Variants in ZFYVE26 observed in about 807,000 individuals in gnomAD.
ZFYVE26 encodes the protein zinc finger FYVE domain-containing protein 26.
In ZFYVE26, 181 loss-of-function variants were observed where a neutral mutation model predicts 276.5. The ratio of observed to expected loss-of-function variants is 0.65; its 90% CI spans 0.58 to 0.74. ZFYVE26 has a LOEUF of 0.74. Ranked by LOEUF, ZFYVE26 falls within the 30% of genes least tolerant of loss-of-function variation. The pLI is 0.00. For missense variants in ZFYVE26, 2,821 were observed against 3,097.9 expected (o/e 0.91, Z 2.12); for synonymous variants, 1,129 against 1,203.1 (o/e 0.94, Z 1.27).
intron 14 of ZFYVE26, among the ~76,000 whole-genome samples, chr14:67,792,206 C>T (rs1195975389): frequency 2.0e-5 from 3 of 152,030 alleles, no homozygotes; most frequent in African/African-American, 7.2e-5. Context: ...CTAGAGTTCC[C>T]TAGATTTATT....
chr14:67,778,805 G>T (rs1161912356), intron 23 of ZFYVE26, among the ~76,000 whole-genome samples: 1 of 151,128 alleles, frequency 6.6e-6, no homozygotes, highest in Admixed American at 6.6e-5. Flanking sequence ...CCCACATGGT[G>T]GTGTCTGGAA....
chr14:67,740,004 C>T (rs1467607306), intron 13 of ZFYVE26, among the ~76,000 whole-genome samples: 1 of 152,128 alleles, frequency 6.6e-6, no homozygotes, highest in Admixed American at 6.5e-5. Flanking sequence ...TGGTTCTGCT[C>T]CCCATGGCCA....
intron 13 of ZFYVE26, 56 bp from the exon 14 acceptor site, chr14:67,793,815 C>G: frequency 1.2e-6 from 2 of 1,609,624 alleles, no homozygotes; most frequent in Non-Finnish European, 1.7e-6. Flanking sequence ...TAAGGAAATG[C>G]TATATTGCTG....
chr14:67,807,346 T>G, intron 5 of ZFYVE26, 52 bp downstream of exon 5: 1 of 1,610,114 alleles, frequency 6.2e-7, no homozygotes. Flanking sequence ...CCAGCAAGGC[T>G]GGGCATACTG....
chr14:67,796,282 T>C (rs1304280997), intron 12 of ZFYVE26: 1 of 150,492 alleles, frequency 6.6e-6, no homozygotes, highest in African/African-American at 2.4e-5. Context: ...AGTGGCACAA[T>C]CTCAGCTCAC....
rs1555397625 is a variant in ZFYVE26 at position 67,786,170 on chromosome 14, TGAA to T, written c.3080_3082del (p.Leu1027del). The T allele has an allele frequency of 1.2e-6, 2 of 1,611,956 alleles. No individual in the cohort carries two copies. Among genetic ancestry groups the T allele is most frequent in the Non-Finnish European group, 1.7e-6 (2 of 1,179,848 alleles). ...ATAATTGAGACTCTTACTGATTTGCTGAAGAACAACTGGAAAACCTCGAATGCC... is the reference window on the plus strand; with the variant it reads ...ATAATTGAGACTCTTACTGATTTGCTGAACAACTGGAAAACCTCGAATGCC... On this transcript the variant is annotated inframe_deletion, in exon 17 of 42. Transcript: ENST00000347230.
chr14:67,731,189 C>CATCATAT (rs1359394659), intron 13 of ZFYVE26, among the ~76,000 whole-genome samples: 1 of 146,672 alleles, frequency 6.8e-6, no homozygotes, highest in African/African-American at 2.5e-5. Flanking sequence ...TTGTGTTTCT[C>CATCATAT]ATCATATTTC....
Position 67,748,473 on chromosome 14 carries a change from T to G in ZFYVE26, c.7583A>C (p.His2528Pro). 2 of 1,612,710 alleles carry G rather than the reference T, an allele frequency of 1.2e-6. No homozygotes were observed. Among genetic ancestry groups the G allele is most frequent in the Non-Finnish European group, 1.7e-6 (2 of 1,179,834 alleles). Residue 2528 changes from histidine (H) to proline (P), a missense_variant, in exon 42 of 42, where the codon CAC becomes CCC. Physicochemically the swap from His to Pro is moderately conservative, Grantham distance 77 (BLOSUM62 -2). Coordinates refer to ENST00000347230, the MANE Select transcript of ZFYVE26 (RefSeq NM_015346.4). ...DICAQWLLTS[H>P]PRGAHGPGSR... ...GCCTGGGCCATGGGCACCCCGGGGG[T>G]GGCTTGTCAGAAGCCACTGGGCACA... is the stretch of plus-strand genomic sequence containing the variant.
At chr14:67,742,239 T>C (rs981141450), downstream of ZFYVE26, among the ~76,000 whole-genome samples, 4 of 152,206 alleles carry the variant, frequency 2.6e-5, no homozygotes, top group African/African-American at 9.6e-5. Flanking sequence ...TACCAGGGAC[T>C]GTGAGGAGGG....
intron 9 of ZFYVE26, among the ~76,000 whole-genome samples, chr14:67,802,792 A>C (rs1352467960): frequency 6.6e-6 from 1 of 152,184 alleles, no homozygotes; most frequent in Non-Finnish European, 1.5e-5. Context: ...AGAAAAAAAA[A>C]ACATGGAATG....
rs750021215 is a variant in ZFYVE26 at position 67,790,739 on chromosome 14, C to T, written c.2588G>A (p.Ser863Asn). 1.3e-5 allele frequency: 21 copies of T among 1,614,072 alleles called. No homozygotes were observed. Among genetic ancestry groups the T allele is most frequent in the Non-Finnish European group, 1.7e-5 (20 of 1,180,040 alleles). The change falls in exon 15 of 42, where the codon AGT (serine) becomes AAT (asparagine). Residue 863 changes from serine (S) to asparagine (N), a missense_variant. Transcript: ENST00000347230. ...LFTFNLKSSPSSGELMFMERY... is the reference protein window; with the variant it reads ...LFTFNLKSSPNSGELMFMERY... ...CTCCATGAACATCAGTTCCCCTGAA[C>T]TGGGTGAGGACTTCAGGTTGAACGT...
exon 14 of ZFYVE26, chr14:67,729,685 G>A (rs1594867814): frequency 5.2e-6 from 3 of 571,596 alleles, no homozygotes; most frequent in South Asian, 4.8e-5. Flanking sequence ...GATCTGGATC[G>A]TTTTTCTCCT....
chr14:67,809,408 CTTTTTTTTTTTT>C (rs10580613), intron 3 of ZFYVE26, 119 bp from the exon 4 acceptor site: 2 of 208,310 alleles, frequency 9.6e-6, no homozygotes, highest in African/African-American at 3.8e-5. Flanking sequence ...ATGAAGCACT[CTTTTTTTTTTTT>C]TTTTTTTTTT....
Position 67,762,312 on chromosome 14 carries a change from C to A in ZFYVE26, c.6260G>T (p.Ser2087Ile), listed in dbSNP as rs909101071. ...GTCAAATGGGGGCTTCAGACAGCGA[C>A]TGAACTTCTCCCGTGCAGCAGTGAG... ...GNLTAAREKF[S>I]RCLKPPFDLN... Residue 2087 changes from serine (S) to isoleucine (I), a missense_variant, in exon 34 of 42, where the codon AGT becomes ATT. Physicochemically the swap from Ser to Ile is moderately radical, Grantham distance 142 (BLOSUM62 -2). Coordinates refer to ENST00000347230, the MANE Select transcript of ZFYVE26 (RefSeq NM_015346.4). The A allele has an allele frequency of 1.2e-6, 2 of 1,614,202 alleles. No individual in the cohort carries two copies. Among genetic ancestry groups the A allele is most frequent in the Non-Finnish European group, 1.7e-6 (2 of 1,180,036 alleles).
chr14:67,734,621 A>G (rs1273084171), intron 13 of ZFYVE26, among the ~76,000 whole-genome samples: 1 of 152,194 alleles, frequency 6.6e-6, no homozygotes, highest in South Asian at 2.1e-4. Context: ...GCTGGAATGT[A>G]AGATCCTCAG....
chr14:67,737,048 C>T (rs575789982), intron 13 of ZFYVE26, among the ~76,000 whole-genome samples: 1 of 151,574 alleles, frequency 6.6e-6, no homozygotes, highest in East Asian at 1.9e-4. Flanking sequence ...TGTACATTTC[C>T]AGCATCTGGG....
rs2040243585 is a variant in ZFYVE26 at position 67,809,240 on chromosome 14, G to A, written c.323C>T (p.Ser108Leu). 1 of 1,614,022 alleles carries A rather than the reference G, an allele frequency of 6.2e-7. No homozygotes were observed. The part of the protein sequence containing the change: ...FRRKLEFLLL[S>L]EDLQGDIPEN... ...TGGAATGTCACCTTGGAGGTCTTCT[G>A]ACAATAAAAGAAACTCAAGCTTTCT... Residue 108 changes from serine to leucine, a missense_variant, in exon 4 of 42, where the codon TCA (serine) becomes TTA (leucine). Transcript: ENST00000347230.
rs77129887 is a variant in ZFYVE26, at chr14:67,798,329, T to C, written c.1933A>G (p.Met645Val). ...LGVPKTLAYT[M>V]PSHVKAEPKD... ...GGCTCTGCCTTCACATGGCTTGGCATTGTATAAGCAAGGGTCTTTGGGACT... is the reference window on the plus strand; with the variant it reads ...GGCTCTGCCTTCACATGGCTTGGCACTGTATAAGCAAGGGTCTTTGGGACT... The change falls in exon 11 of 42, where the codon ATG (methionine) becomes GTG (valine). Residue 645 changes from methionine to valine, a missense_variant. Transcript: ENST00000347230. The C allele has an allele frequency of 1.7e-3, 2,712 of 1,613,450 alleles. 34 individuals are homozygous for C. The Admixed American group carries it at 0.02, about 12-fold the overall frequency.
At chr14:67,735,242 C>T (rs2140165194) in intron 13 of ZFYVE26, 2 of 1,358,440 alleles carry the variant, frequency 1.5e-6, no homozygotes, top group Non-Finnish European at 2.1e-6. Context: ...TCCCACGAGA[C>T]ACAGCCTCCC....
Sources: allele counts gnomAD v4.1 joint callset (sites outside exome capture counted in the v4.1 genomes callset), GRCh38; gene constraint gnomAD v4.1.1; transcripts MANE v1.5; gene names NCBI Gene and HGNC (gene_info 2026-07-23, HGNC 2026-07-21).